Variants in TM2D3 observed in about 807,000 individuals in gnomAD.
TM2D3 encodes TM2 domain containing 3, also known as TM2 domain-containing protein 3.
TM2D3 carries 33 observed loss-of-function variants against 27.3 expected under a neutral mutation model. The ratio of observed to expected loss-of-function variants is 1.21; its 90% confidence interval spans 0.92 to 1.61. The LOEUF (loss-of-function observed/expected upper bound fraction) is 1.61, where lower values mean the gene tolerates loss of function less well. Ranked by LOEUF, TM2D3 falls within the 40% of genes most tolerant of loss-of-function variation. TM2D3 has a pLI of 0.00. For synonymous variants in TM2D3, 138 were observed against 122.2 expected (o/e 1.13, Z -0.85); for missense variants, 364 against 320.8 (o/e 1.13, Z -1.03).
chr15:101,646,282 T>C (rs988695618), intron 4 of TM2D3: 3 of 169,468 alleles, frequency 1.8e-5, no homozygotes, highest in Admixed American at 5.8e-5. Flanking sequence ...ACATGCATTA[T>C]TGAATATTAT....
chr15:101,633,499 G>A (rs558811109), exon 5 of TM2D3: 17 of 489,306 alleles, frequency 3.5e-5, no homozygotes, highest in African/African-American at 9.7e-5. Flanking sequence ...CTCAGATCCC[G>A]AAGGACACCC....
chr15:101,645,282 A>G, intron 4 of TM2D3, 120 bp from the exon 5 acceptor site: 1 of 793,542 alleles, frequency 1.3e-6, no homozygotes, highest in South Asian at 1.7e-5. Flanking sequence ...ACGGTAATAC[A>G]TGTTGAAGTG....
At chr15:101,648,591 G>A (rs1896881828) in intron 3 of TM2D3, among the ~76,000 whole-genome samples, 1 of 152,190 alleles carries the variant, frequency 6.6e-6, no homozygotes, top group Non-Finnish European at 1.5e-5. Flanking sequence ...CCCAGGCCAA[G>A]TACGCTCTGT....
downstream of TM2D3, among the ~76,000 whole-genome samples, chr15:101,639,269 A>C (rs1200040406): frequency 6.6e-6 from 1 of 152,244 alleles, no homozygotes; most frequent in Non-Finnish European, 1.5e-5. Flanking sequence ...AGTTTAAAAA[A>C]TGTGTCTACC....
intron 4 of TM2D3, chr15:101,646,021 A>G (rs1225451984): frequency 6.6e-6 from 1 of 152,434 alleles, no homozygotes; most frequent in Non-Finnish European, 1.5e-5. Context: ...TGGAAAGTAC[A>G]TGCTGAAGAA....
intron 1 of TM2D3, 94 bp from the exon 2 acceptor site, chr15:101,651,867 C>A: frequency 7.9e-7 from 1 of 1,264,672 alleles, no homozygotes; most frequent in Non-Finnish European, 1.2e-6. Flanking sequence ...TACACCAGGC[C>A]AATAAGCTGC....
chr15:101,648,865 AATG>A (rs1289493787), intron 3 of TM2D3, among the ~76,000 whole-genome samples: 4 of 152,230 alleles, frequency 2.6e-5, no homozygotes, highest in African/African-American at 4.8e-5. Context: ...ATCCATGTAT[AATG>A]ATATCTATAA....
At chr15:101,648,493 A>G (rs1181226680) in intron 3 of TM2D3, among the ~76,000 whole-genome samples, 2 of 152,212 alleles carry the variant, frequency 1.3e-5, no homozygotes, top group Non-Finnish European at 2.9e-5. Context: ...TAGGTGACAC[A>G]TGTACATGGA....
In TM2D3 at chr15:101,651,811, T is replaced by A. The variant is rs3784453; in HGVS notation, c.92-38A>T. The A allele has an allele frequency of 0.015, 23,806 of 1,607,786 alleles. 1,998 individuals are homozygous for A. In the East Asian group the frequency reaches 0.24, roughly 16 times the overall value. On this transcript the variant is annotated intron_variant, in intron 1 of 5. Transcript: ENST00000333202. ...ATCGTACAATTAGAGAAACACGTTA[T>A]CCCGGGACAAGAAAACCTTATTTTG...
chr15:101,651,424 T>C, intron 2 of TM2D3: 1 of 402,978 alleles, frequency 2.5e-6, no homozygotes, highest in South Asian at 3.1e-5. Context: ...TGAAGGTTAT[T>C]TTGATGGATG....
At chr15:101,644,076 C>T (rs1043901077) in intron 5 of TM2D3, among the ~76,000 whole-genome samples, 3 of 152,148 alleles carry the variant, frequency 2.0e-5, no homozygotes, top group Non-Finnish European at 4.4e-5. Flanking sequence ...GAACTCCTGA[C>T]CTCAAGCAAT....
At chr15:101,640,499 A>C (rs1024424891), downstream of TM2D3, among the ~76,000 whole-genome samples, 16 of 152,330 alleles carry the variant, frequency 1.1e-4, no homozygotes, top group Admixed American at 1.0e-3. Flanking sequence ...TGAAAATCTA[A>C]GACAGCAGAG....
intron 5 of TM2D3, among the ~76,000 whole-genome samples, chr15:101,642,948 G>C (rs1214628424): frequency 6.6e-6 from 1 of 152,138 alleles, no homozygotes; most frequent in Non-Finnish European, 1.5e-5. Context: ...CAGTCTAACA[G>C]GAAGTGCACT....
chr15:101,639,797 C>T (rs904373647), downstream of TM2D3, among the ~76,000 whole-genome samples: 4 of 152,202 alleles, frequency 2.6e-5, no homozygotes, highest in African/African-American at 9.7e-5. Context: ...CCTCAACTGC[C>T]AGTCCCTGGA....
exon 5 of TM2D3, chr15:101,633,470 C>T (rs1339101004): frequency 6.6e-6 from 3 of 452,008 alleles, no homozygotes; most frequent in Non-Finnish European, 7.9e-6. Flanking sequence ...CAATTCCTTG[C>T]AGTTGTAGGA....
At chr15:101,649,748 G>T (rs1416025107) in intron 3 of TM2D3, among the ~76,000 whole-genome samples, 1 of 152,170 alleles carries the variant, frequency 6.6e-6, no homozygotes, top group African/African-American at 2.4e-5. Flanking sequence ...GTCCTACAAA[G>T]CAACATTTCT....
intron 4 of TM2D3, chr15:101,635,429 C>T (rs555991777): frequency 1.3e-5 from 2 of 152,276 alleles, no homozygotes; most frequent in African/African-American, 4.8e-5. Context: ...AGCCTGGCTA[C>T]TATCAGGGCC....
At chr15:101,648,730 A>G (rs1327154219) in intron 3 of TM2D3, among the ~76,000 whole-genome samples, 1 of 152,234 alleles carries the variant, frequency 6.6e-6, no homozygotes, top group Non-Finnish European at 1.5e-5. Context: ...GTTCTTTTTA[A>G]TGGCTACAAG....
At chr15:101,649,145 T>C (rs1172491688) in intron 3 of TM2D3, among the ~76,000 whole-genome samples, 1 of 152,244 alleles carries the variant, frequency 6.6e-6, no homozygotes, top group Admixed American at 6.5e-5. Context: ...TCCTTTCCTA[T>C]GAACCATCTG....
Sources: allele counts gnomAD v4.1 joint callset (sites outside exome capture counted in the v4.1 genomes callset), GRCh38; gene constraint gnomAD v4.1.1; transcripts MANE v1.5; gene names NCBI Gene and HGNC (gene_info 2026-07-23, HGNC 2026-07-21).